TMEM132D: variants seen among roughly 807,000 people sequenced by gnomAD.
TMEM132D encodes the protein transmembrane protein 132D.
TMEM132D carries 21 observed loss-of-function variants against 62.3 expected under a neutral mutation model. The observed-to-expected ratio is 0.34, with a 90% CI of 0.24 to 0.49. The LOEUF is 0.49. Among genes scored for constraint, TMEM132D ranks in the 20% least tolerant of loss-of-function variants. The pLI is 0.99. For missense variants in TMEM132D, 1,346 were observed against 1,402.8 expected (o/e 0.96, Z 0.65); for synonymous variants, 621 against 575.6 (o/e 1.08, Z -1.13).
intron 1 of TMEM132D, among the ~76,000 whole-genome samples, chr12:129,806,995 C>T (rs1007119159): frequency 6.6e-6 from 1 of 152,118 alleles, no homozygotes; most frequent in Non-Finnish European, 1.5e-5. Context: ...GACTGCACCA[C>T]TGCACTTCAG....
chr12:129,524,944 T>TTTTA (rs1875973565), intron 3 of TMEM132D, among the ~76,000 whole-genome samples: 2 of 96,030 alleles, frequency 2.1e-5, no homozygotes, highest in African/African-American at 6.8e-5. Flanking sequence ...TTTTTTTTTT[T>TTTTA]GAGACGGAGT....
At chr12:129,271,847 TG>T (rs1379674391) in intron 4 of TMEM132D, among the ~76,000 whole-genome samples, 2 of 151,948 alleles carry the variant, frequency 1.3e-5, no homozygotes. Flanking sequence ...TCTTTGCTAT[TG>T]TGAACAGTGC....
intron 2 of TMEM132D, among the ~76,000 whole-genome samples, chr12:129,655,079 A>G (rs1207211260): frequency 7.0e-6 from 1 of 143,686 alleles, no homozygotes; most frequent in Non-Finnish European, 1.5e-5. Context: ...TCCACAGTAG[A>G]TGGGACTACA....
At chr12:129,656,284 G>A (rs1383350202) in intron 2 of TMEM132D, among the ~76,000 whole-genome samples, 1 of 141,886 alleles carries the variant, frequency 7.0e-6, no homozygotes, top group African/African-American at 2.5e-5. Context: ...AGAATGAAAG[G>A]GAAGAGAAGG....
At chr12:129,379,043 C>T (rs907835232) in intron 3 of TMEM132D, among the ~76,000 whole-genome samples, 1 of 152,242 alleles carries the variant, frequency 6.6e-6, no homozygotes, top group East Asian at 1.9e-4. Context: ...TTTAATGAAC[C>T]TGATTATGGG....
chr12:129,633,909 G>A (rs1253909311), intron 2 of TMEM132D, among the ~76,000 whole-genome samples: 1 of 152,038 alleles, frequency 6.6e-6, no homozygotes, highest in Admixed American at 6.6e-5. Context: ...TAACTTCTGA[G>A]ACATGCCTTC....
At chr12:129,196,360 C>T (rs994526310) in intron 5 of TMEM132D, among the ~76,000 whole-genome samples, 1 of 152,164 alleles carries the variant, frequency 6.6e-6, no homozygotes, top group Non-Finnish European at 1.5e-5. Flanking sequence ...TGCTTTCACT[C>T]ATTTAAATTA....
intron 5 of TMEM132D, among the ~76,000 whole-genome samples, chr12:129,106,281 G>T (rs1340146488): frequency 7.8e-6 from 1 of 127,482 alleles, no homozygotes; most frequent in African/African-American, 3.1e-5. Context: ...AGGGCGGAGG[G>T]GGGAGGGATA....
chr12:129,116,187 C>T (rs1875884862), intron 5 of TMEM132D, among the ~76,000 whole-genome samples: 1 of 152,122 alleles, frequency 6.6e-6, no homozygotes, highest in Admixed American at 6.5e-5. Context: ...CCAAGGTGCT[C>T]AACTGGCAGG....
intron 3 of TMEM132D, among the ~76,000 whole-genome samples, chr12:129,364,474 T>C (rs1327486152): frequency 6.6e-6 from 1 of 152,258 alleles, no homozygotes; most frequent in African/African-American, 2.4e-5. Context: ...ACTATGCCTA[T>C]GCAAAGCTTG....
At position 129,582,924 on chromosome 12, in the gene TMEM132D, C is replaced by T. The variant is rs572759928; in HGVS notation, c.969-51719G>A. Among the ~76,000 whole-genome samples, 9 of 148,576 alleles carry T rather than the reference C, an allele frequency of 6.1e-5. No individual in the cohort carries two copies. In the East Asian group the frequency reaches 8.0e-4, roughly 13 times the overall value. On this transcript the variant is annotated intron_variant, in intron 2 of 8. Transcript: ENST00000422113. ...ATAGGCATTAGCCACCACGTCCAGCCGAGTTTGTTTTTTGTTTTGTTTTGG... is the reference window on the plus strand; with the variant it reads ...ATAGGCATTAGCCACCACGTCCAGCTGAGTTTGTTTTTTGTTTTGTTTTGG...
At chr12:129,760,361 T>G (rs1419822238) in intron 1 of TMEM132D, among the ~76,000 whole-genome samples, 5 of 133,892 alleles carry the variant, frequency 3.7e-5, no homozygotes, top group Non-Finnish European at 7.7e-5. Context: ...AGATGGAGTC[T>G]CGCTCTTTTG....
intron 1 of TMEM132D, among the ~76,000 whole-genome samples, chr12:129,877,613 G>GCACACA (rs141592866): frequency 0.014 from 2,034 of 144,350 alleles, 54 homozygotes; most frequent in African/African-American, 0.047. Flanking sequence ...GCGCGCGCGC[G>GCACACA]CACACACACA....
At chr12:129,077,244 T>C (rs992271223) in intron 8 of TMEM132D, among the ~76,000 whole-genome samples, 1 of 152,146 alleles carries the variant, frequency 6.6e-6, no homozygotes, top group Non-Finnish European at 1.5e-5. Flanking sequence ...GCCTGGTACC[T>C]CACCCTGCCG....
intron 2 of TMEM132D, among the ~76,000 whole-genome samples, chr12:129,534,826 G>A (rs112032370): frequency 0.016 from 2,458 of 152,276 alleles, 80 homozygotes; most frequent in African/African-American, 0.056. Flanking sequence ...TGCTACAACT[G>A]TCTATTGCTT....
intron 4 of TMEM132D, among the ~76,000 whole-genome samples, chr12:129,304,865 T>C (rs1053378789): frequency 1.3e-5 from 2 of 152,106 alleles, no homozygotes; most frequent in African/African-American, 4.8e-5. Context: ...GGTTTTGCCA[T>C]GTTGACCGGG....
At chr12:129,743,554 T>C in intron 1 of TMEM132D, among the ~76,000 whole-genome samples, 1 of 152,202 alleles carries the variant, frequency 6.6e-6, no homozygotes, top group East Asian at 1.9e-4. Context: ...CTTTCCTTTA[T>C]AAATTTGCCA....
chr12:129,611,444 A>G (rs1408747412), intron 2 of TMEM132D, among the ~76,000 whole-genome samples: 4 of 152,180 alleles, frequency 2.6e-5, no homozygotes, highest in African/African-American at 9.7e-5. Flanking sequence ...CCTTGTCTAC[A>G]ACTGAAATGG....
chr12:129,706,868 C>T (rs1036244542), intron 1 of TMEM132D, among the ~76,000 whole-genome samples: 10 of 151,566 alleles, frequency 6.6e-5, no homozygotes, highest in Admixed American at 3.3e-4. Flanking sequence ...CAAAATAAAC[C>T]TTTCCATTAT....
Sources: allele counts gnomAD v4.1 joint callset (sites outside exome capture counted in the v4.1 genomes callset), GRCh38; gene constraint gnomAD v4.1.1; transcripts MANE v1.5; gene names NCBI Gene and HGNC (gene_info 2026-07-23, HGNC 2026-07-21).